Variants in CSMD1 observed in about 807,000 individuals in gnomAD.
The protein encoded by CSMD1 is CUB and sushi domain-containing protein 1.
In CSMD1, 213 loss-of-function variants were observed where a neutral mutation model predicts 417.5. The ratio of observed to expected loss-of-function variants is 0.51; its 90% CI spans 0.46 to 0.57. CSMD1 has a LOEUF of 0.57. Among genes scored for constraint, CSMD1 ranks in the 20% least tolerant of loss-of-function variants. CSMD1 has a pLI of 0.00. For synonymous variants in CSMD1, 2,862 were observed against 1,736.8 expected, an observed-to-expected ratio of 1.65 and a Z score of -16.11; for missense variants, 6,923 against 4,529.7, an observed-to-expected ratio of 1.53 and a Z score of -15.17.
chr8:4,274,194 C>A (rs900872885), intron 3 of CSMD1, among the ~76,000 whole-genome samples: 1 of 152,042 alleles, frequency 6.6e-6, no homozygotes, highest in East Asian at 1.9e-4. Context: ...CAAAGCAGAA[C>A]CAGAGAAGAA....
At chr8:3,725,547 G>A (rs949392680) in intron 6 of CSMD1, among the ~76,000 whole-genome samples, 2 of 152,142 alleles carry the variant, frequency 1.3e-5, no homozygotes, top group East Asian at 3.9e-4. Flanking sequence ...TCCCTCCCAT[G>A]AGCTGCTTGT....
At chr8:2,983,493 T>C (rs1249667994) in intron 54 of CSMD1, among the ~76,000 whole-genome samples, 1 of 152,174 alleles carries the variant, frequency 6.6e-6, no homozygotes, top group Non-Finnish European at 1.5e-5. Flanking sequence ...GTCTTTCTGT[T>C]GTATATTTTT....
At position 2,936,909 on chromosome 8, in the gene CSMD1, C is replaced by A. The variant is rs1370522540; in HGVS notation, c.*1676G>T. On this transcript the variant is annotated 3_prime_UTR_variant, in exon 70 of 70. Transcript: ENST00000635120. ...TGTGTTCACTCCGACAACGTGAAGG[C>A]CAATTTGAACATTCTGACATTTCTA... 1 of 152,122 alleles carries A rather than the reference C, an allele frequency of 6.6e-6. No individual in the cohort carries two copies. The highest frequency in any genetic ancestry group is 1.5e-5 in the Non-Finnish European group (1 of 68,028). The allele number at this position is 152,122 out of a possible 1,614,324, so 9.4% of individuals were successfully genotyped here.
At chr8:4,346,470 T>G (rs986368302) in intron 3 of CSMD1, among the ~76,000 whole-genome samples, 1 of 152,122 alleles carries the variant, frequency 6.6e-6, no homozygotes, top group South Asian at 2.1e-4. Flanking sequence ...ATCCTTGATA[T>G]AATCCATCCC....
intron 7 of CSMD1, among the ~76,000 whole-genome samples, chr8:3,674,078 C>G (rs1336233873): frequency 1.3e-5 from 2 of 152,074 alleles, no homozygotes; most frequent in African/African-American, 4.8e-5. Context: ...TGCACTCCAG[C>G]TTGAGTGACA....
At chr8:4,008,414 ATTT>A (rs531559253) in intron 4 of CSMD1, among the ~76,000 whole-genome samples, 1 of 150,874 alleles carries the variant, frequency 6.6e-6, no homozygotes, top group Non-Finnish European at 1.5e-5. Flanking sequence ...GTATTATATA[ATTT>A]TTTTTTATTT....
intron 1 of CSMD1, among the ~76,000 whole-genome samples, chr8:4,881,055 T>A (rs563030255): frequency 2.8e-4 from 43 of 152,164 alleles, no homozygotes; most frequent in South Asian, 1.7e-3. Flanking sequence ...AGTTCCCAAC[T>A]CTTTTCCTAG....
At chr8:4,875,148 T>G (rs1380698031) in intron 1 of CSMD1, among the ~76,000 whole-genome samples, 1 of 151,940 alleles carries the variant, frequency 6.6e-6, no homozygotes, top group African/African-American at 2.4e-5. Flanking sequence ...AGGTAGTATG[T>G]GCTCTGCCTA....
intron 3 of CSMD1, among the ~76,000 whole-genome samples, chr8:4,263,712 G>C (rs1251416699): frequency 6.6e-6 from 1 of 152,110 alleles, no homozygotes; most frequent in East Asian, 1.9e-4. Context: ...CATCTTACTG[G>C]CAACAATAAT....
At chr8:4,285,947 T>C (rs1797035076) in intron 3 of CSMD1, among the ~76,000 whole-genome samples, 1 of 152,130 alleles carries the variant, frequency 6.6e-6, no homozygotes, top group Non-Finnish European at 1.5e-5. Context: ...CTATGATATA[T>C]CCGCAATGCT....
At chr8:4,719,195 C>G (rs1489977359) in intron 1 of CSMD1, among the ~76,000 whole-genome samples, 1 of 152,058 alleles carries the variant, frequency 6.6e-6, no homozygotes, top group Non-Finnish European at 1.5e-5. Flanking sequence ...AGAGAAAGTG[C>G]AGGGGTGGGG....
intron 1 of CSMD1, among the ~76,000 whole-genome samples, chr8:4,909,054 A>C (rs191536768): frequency 5.9e-5 from 9 of 152,314 alleles, no homozygotes; most frequent in Non-Finnish European, 2.9e-5. Context: ...GGACTTTAGC[A>C]TGAAGATTTG....
intron 1 of CSMD1, among the ~76,000 whole-genome samples, chr8:4,961,535 T>G (rs892914654): frequency 1.3e-5 from 2 of 152,182 alleles, no homozygotes; most frequent in African/African-American, 4.8e-5. Flanking sequence ...GTTTGAAAAT[T>G]AGTTCCTCTT....
intron 3 of CSMD1, among the ~76,000 whole-genome samples, chr8:4,249,657 G>C (rs1308385737): frequency 1.3e-5 from 2 of 152,168 alleles, no homozygotes; most frequent in Admixed American, 6.5e-5. Context: ...CTAGGCTTGA[G>C]AGCTGCCAGC....
At chr8:3,126,813 C>A (rs1359357214) in intron 41 of CSMD1, among the ~76,000 whole-genome samples, 1 of 152,184 alleles carries the variant, frequency 6.6e-6, no homozygotes, top group East Asian at 1.9e-4. Context: ...CTCGCTGAGA[C>A]TACAGGCTTA....
chr8:3,157,495 C>T (rs192869061), intron 39 of CSMD1, among the ~76,000 whole-genome samples: 6 of 152,288 alleles, frequency 3.9e-5, no homozygotes, highest in African/African-American at 1.4e-4. Flanking sequence ...AGTAATCTGT[C>T]ATTCTGAATT....
rs536157855 is a variant in CSMD1 at position 3,230,192 on chromosome 8, T to G, written c.4193A>C (p.Gln1398Pro). 1.2e-6 allele frequency: 2 copies of G among 1,610,850 alleles called. No individual in the cohort carries two copies. Among genetic ancestry groups the G allele is most frequent in the East Asian group, 2.2e-5 (1 of 44,760 alleles). ...AATCNDPGMP[Q>P]NGTRYGDSRE... Reference sequence around the variant, plus strand: ...GCTGTCTCCATAGCGGGTGCCATTTTGGGGCATACCTGGATCGTTACAGGT... The same window carrying G: ...GCTGTCTCCATAGCGGGTGCCATTTGGGGGCATACCTGGATCGTTACAGGT... Residue 1398 changes from glutamine (Q) to proline (P), a missense_variant, in exon 27 of 70, where the codon CAA (glutamine) becomes CCA (proline). Transcript: ENST00000635120.
intron 3 of CSMD1, among the ~76,000 whole-genome samples, chr8:4,272,618 G>C (rs1023849364): frequency 6.6e-6 from 1 of 152,110 alleles, no homozygotes; most frequent in African/African-American, 2.4e-5. Context: ...GCCTGTTTTT[G>C]TTGAATTAGG....
At chr8:4,191,399 AAAAACAAAAAACAAAACAAAAC>A (rs1217108415) in intron 3 of CSMD1, among the ~76,000 whole-genome samples, 4 of 151,068 alleles carry the variant, frequency 2.6e-5, no homozygotes, top group Admixed American at 2.0e-4. Context: ...CTGTCTCAGA[AAAAACAAAAAACAAAACAAAAC>A]AAAACAAAAA....
Sources: allele counts gnomAD v4.1 joint callset (sites outside exome capture counted in the v4.1 genomes callset), GRCh38; gene constraint gnomAD v4.1.1; transcripts MANE v1.5; gene names NCBI Gene and HGNC (gene_info 2026-07-23, HGNC 2026-07-21).